Variants in RAP1GDS1 observed in about 807,000 individuals in gnomAD.
RAP1GDS1 encodes the protein RAP1, GTP-GDP dissociation stimulator 1.
Under a neutral mutation model 71.1 loss-of-function variants are expected in RAP1GDS1, and 35 were observed. That is an observed-to-expected ratio of 0.49 (90% CI 0.38 to 0.65). RAP1GDS1 has a LOEUF of 0.65. Among genes scored for constraint, RAP1GDS1 ranks in the 30% least tolerant of loss-of-function variants. The probability of loss-of-function intolerance (pLI) is 0.00; values close to 1 mark genes in which losing one functional copy is unlikely to be tolerated. For missense variants in RAP1GDS1, 663 were observed against 706.1 expected, an observed-to-expected ratio of 0.94 and a Z score of 0.69; for synonymous variants, 229 against 243.1, an observed-to-expected ratio of 0.94 and a Z score of 0.54.
At chr4:98,293,607 T>C (rs1222030809) in intron 2 of RAP1GDS1, 92 bp downstream of exon 2, 2 of 856,264 alleles carry the variant, frequency 2.3e-6, no homozygotes, top group South Asian at 1.6e-5. Context: ...CATAACTTTG[T>C]ATTCATATAA....
intron 3 of RAP1GDS1, 32 bp downstream of exon 3, chr4:98,343,293 G>A (rs1174372940): frequency 7.7e-6 from 12 of 1,557,490 alleles, no homozygotes; most frequent in Non-Finnish European, 1.1e-5. Flanking sequence ...TTTCTGCTGG[G>A]AACGTCTTCA....
At position 98,379,075 on chromosome 4, in the gene RAP1GDS1, A is replaced by G. The variant is rs1224313930; in HGVS notation, c.420A>G (p.Leu140=). The G allele has an allele frequency of 1.2e-6, 2 of 1,609,894 alleles. No homozygotes were observed. The highest frequency in any genetic ancestry group is 2.2e-5 in the South Asian group (2 of 90,484). The change falls in exon 5 of 15, where the codon TTA becomes TTG. Residue 140 remains leucine (L), a synonymous_variant. Transcript: ENST00000408927. ...AGGAQIVIDH[L]RSLCSITDPA... is the part of the protein sequence containing the mutation. ...GTGCACAGATTGTAATTGACCATTT[A>G]AGGTCACTGTGCAGTATAACAGATC...
chr4:98,322,151 C>T (rs1732040552), intron 2 of RAP1GDS1, among the ~76,000 whole-genome samples: 1 of 90,862 alleles, frequency 1.1e-5, no homozygotes, highest in Admixed American at 1.2e-4. Flanking sequence ...TTTAAACCAA[C>T]AAAGATCAAA....
At chr4:98,413,120 C>A (rs956148560) in intron 7 of RAP1GDS1, among the ~76,000 whole-genome samples, 1 of 152,038 alleles carries the variant, frequency 6.6e-6, no homozygotes, top group African/African-American at 2.4e-5. Context: ...GAGACCAGGG[C>A]GTATTTCAGT....
At chr4:98,308,488 A>C (rs1321015524) in intron 2 of RAP1GDS1, among the ~76,000 whole-genome samples, 1 of 150,762 alleles carries the variant, frequency 6.6e-6, no homozygotes, top group African/African-American at 2.4e-5. Context: ...AGGAAAATAA[A>C]GAACAATTTC....
At chr4:98,301,756 C>G (rs1007531021) in intron 2 of RAP1GDS1, among the ~76,000 whole-genome samples, 8 of 152,112 alleles carry the variant, frequency 5.3e-5, no homozygotes, top group African/African-American at 1.7e-4. Flanking sequence ...TAGATTCTAA[C>G]ATTGGCTACT....
At chr4:98,276,193 G>A (rs1314643115) in intron 1 of RAP1GDS1, among the ~76,000 whole-genome samples, 1 of 152,048 alleles carries the variant, frequency 6.6e-6, no homozygotes, top group Non-Finnish European at 1.5e-5. Flanking sequence ...TCTGGAGGTT[G>A]AGTTTATAAG....
intron 2 of RAP1GDS1, among the ~76,000 whole-genome samples, chr4:98,329,010 C>G (rs1733550350): frequency 6.6e-6 from 1 of 152,216 alleles, no homozygotes; most frequent in Non-Finnish European, 1.5e-5. Flanking sequence ...TTTACTCACT[C>G]ACTGTGAGGC....
chr4:98,374,086 A>G (rs1228330769), intron 4 of RAP1GDS1, among the ~76,000 whole-genome samples: 1 of 152,166 alleles, frequency 6.6e-6, no homozygotes, highest in African/African-American at 2.4e-5. Flanking sequence ...TGGGTAACAA[A>G]CTGCAGAAAG....
At chr4:98,390,372 T>C (rs1743430884) in intron 5 of RAP1GDS1, among the ~76,000 whole-genome samples, 1 of 152,190 alleles carries the variant, frequency 6.6e-6, no homozygotes, top group Admixed American at 6.5e-5. Flanking sequence ...ATTTTAATTC[T>C]TATCTCCTTT....
intron 1 of RAP1GDS1, among the ~76,000 whole-genome samples, chr4:98,280,906 G>A (rs1014589598): frequency 2.6e-5 from 4 of 152,158 alleles, no homozygotes; most frequent in African/African-American, 9.7e-5. Flanking sequence ...GTTTGTCAAA[G>A]ATCAGATGGT....
At chr4:98,277,220 A>G (rs992548175) in intron 1 of RAP1GDS1, among the ~76,000 whole-genome samples, 15 of 152,198 alleles carry the variant, frequency 9.9e-5, no homozygotes, top group African/African-American at 3.1e-4. Context: ...CATTTCCACT[A>G]ACAGAATCCA....
intron 7 of RAP1GDS1, among the ~76,000 whole-genome samples, chr4:98,413,069 G>A (rs764109253): frequency 5.9e-5 from 9 of 152,002 alleles, no homozygotes; most frequent in African/African-American, 9.7e-5. Context: ...TTACCAGGGC[G>A]GGATCTTTTC....
intron 2 of RAP1GDS1, among the ~76,000 whole-genome samples, chr4:98,340,868 C>T (rs1418009629): frequency 6.6e-6 from 1 of 151,956 alleles, no homozygotes; most frequent in Non-Finnish European, 1.5e-5. Context: ...CTGGGACCTA[C>T]TTGAGGAGGG....
chr4:98,342,584 A>G (rs972583601), intron 2 of RAP1GDS1, among the ~76,000 whole-genome samples: 2 of 152,144 alleles, frequency 1.3e-5, no homozygotes, highest in African/African-American at 2.4e-5. Flanking sequence ...TTTGCAGTGT[A>G]CTATTTCTCT....
intron 3 of RAP1GDS1, among the ~76,000 whole-genome samples, chr4:98,348,805 G>C (rs1736706065): frequency 6.6e-6 from 1 of 152,142 alleles, no homozygotes; most frequent in Non-Finnish European, 1.5e-5. Context: ...CTCAGTTTTT[G>C]ATGGGGTTGT....
intron 6 of RAP1GDS1, chr4:98,396,033 T>G: frequency 6.5e-6 from 1 of 154,422 alleles, no homozygotes; most frequent in African/African-American, 2.4e-5. Flanking sequence ...AGCAGGCGTG[T>G]CACATGGTGA....
chr4:98,304,662 T>C (rs560299292), intron 2 of RAP1GDS1, among the ~76,000 whole-genome samples: 75 of 152,354 alleles, frequency 4.9e-4, no homozygotes, highest in African/African-American at 1.7e-3. Context: ...ACTCCGATGG[T>C]AGTTTCTTTT....
intron 2 of RAP1GDS1, among the ~76,000 whole-genome samples, chr4:98,311,259 A>G (rs774960568): frequency 2.0e-5 from 3 of 152,230 alleles, no homozygotes; most frequent in South Asian, 2.1e-4. Context: ...AGATACTGTC[A>G]TACTGTCTAG....
Sources: allele counts gnomAD v4.1 joint callset (sites outside exome capture counted in the v4.1 genomes callset), GRCh38; gene constraint gnomAD v4.1.1; transcripts MANE v1.5; gene names NCBI Gene and HGNC (gene_info 2026-07-23, HGNC 2026-07-21).